Variants in LYSMD2 observed in about 807,000 individuals in gnomAD.
The protein encoded by LYSMD2 is LysM domain containing 2.
LYSMD2 carries 6 observed loss-of-function variants against 17.7 expected under a neutral mutation model. The ratio of observed to expected loss-of-function variants is 0.34; its 90% CI spans 0.19 to 0.67. LYSMD2 has a LOEUF of 0.67. Ranked by LOEUF, LYSMD2 falls within the 30% of genes least tolerant of loss-of-function variation. LYSMD2 has a pLI of 0.69. For missense variants in LYSMD2, 237 were observed against 286.7 expected (o/e 0.83, Z 1.25); for synonymous variants, 102 against 129.8 (o/e 0.79, Z 1.45).
In LYSMD2 at chr15:51,737,648, G is replaced by C. The variant is rs1014666302; in HGVS notation, c.-26C>G. ...GGGTCCTGCCGAGGCCGCCGGGTCG[G>C]GGAGCTTGCCAAGGGGGCGGCGCCT... On this transcript the variant is annotated 5_prime_UTR_variant, in exon 1 of 3. Coordinates refer to ENST00000267838, the MANE Select transcript of LYSMD2 (RefSeq NM_153374.3). The surrounding 1 kb of genome is among the most constrained non-coding windows in gnomAD (Gnocchi z 4.2). 4.2e-6 allele frequency: 5 copies of C among 1,203,646 alleles called. No homozygotes were observed. In the African/African-American group the frequency reaches 4.7e-5, roughly 11 times the overall value. 74.6% of individuals were successfully genotyped at this position (1,203,646 alleles called of 1,614,324 possible). A position where few individuals can be genotyped will look rare whatever the true frequency, so the allele number is the denominator to read the frequency against.
intron 1 of LYSMD2, among the ~76,000 whole-genome samples, chr15:51,745,367 C>A (rs968114956): frequency 6.6e-6 from 1 of 152,092 alleles, no homozygotes; most frequent in South Asian, 2.1e-4. Context: ...TACTAGCAAG[C>A]TAAACCTTGC....
At chr15:51,737,657 C>A, upstream of LYSMD2, 1 of 1,201,846 alleles carries the variant, frequency 8.3e-7, no homozygotes, top group South Asian at 4.2e-5. This position sits in a 1 kb window ranked among gnomAD's most constrained non-coding sequence, Gnocchi z 4.2. Flanking sequence ...GGGGAGCTTG[C>A]CAAGGGGGCG....
rs1399223836 is a variant in LYSMD2 at position 51,737,163 on chromosome 15, G to A, written c.273+187C>T. Among the ~76,000 whole-genome samples the A allele has an allele frequency of 6.6e-6, 1 of 152,162 alleles. No homozygotes were observed. Among genetic ancestry groups the A allele is most frequent in the East Asian group, 1.9e-4 (1 of 5,178 alleles). On this transcript the variant is annotated intron_variant, in intron 1 of 2. Coordinates refer to ENST00000267838, the MANE Select transcript of LYSMD2 (RefSeq NM_153374.3). The surrounding 1 kb of genome is among the most constrained non-coding windows in gnomAD (Gnocchi z 4.2). ...AGGACCAGCTTTGGCGACCACTGCG[G>A]TGGCCAGCAGCGCGCGCTGAGCGAG...
Position 51,725,030 on chromosome 15 carries a change from G to T in LYSMD2, c.365C>A (p.Pro122His). The change falls in exon 2 of 3, where the codon CCT becomes CAT. Residue 122 changes from proline (P) to histidine (H), a missense_variant. By Grantham distance (77) the Pro-to-His change is moderately conservative (BLOSUM62 -2). Coordinates refer to ENST00000267838, the MANE Select transcript of LYSMD2 (RefSeq NM_153374.3). The stretch of plus-strand genomic sequence containing the variant: ...GGAGTTAAGTCCATTAAACAACAAA[G>T]GCTTCTCTGATATAACTGGGATGTT... ...TLNIPVISEK[P>H]LLFNGLNSID... 6.2e-7 allele frequency: 1 copy of T among 1,613,666 alleles called. No individual in the cohort carries two copies.
intron 1 of LYSMD2, among the ~76,000 whole-genome samples, chr15:51,732,238 G>A (rs1426549406): frequency 6.6e-6 from 1 of 152,050 alleles, no homozygotes; most frequent in African/African-American, 2.4e-5. Flanking sequence ...TGACTTCCAG[G>A]GTCCGCTCAG....
At chr15:51,735,840 C>G (rs2055605580) in intron 1 of LYSMD2, among the ~76,000 whole-genome samples, 1 of 152,200 alleles carries the variant, frequency 6.6e-6, no homozygotes, top group Non-Finnish European at 1.5e-5. Context: ...TGGGAAATAA[C>G]ACTCTTCTGC....
At chr15:51,734,263 C>T (rs1226405680) in intron 1 of LYSMD2, among the ~76,000 whole-genome samples, 1 of 152,186 alleles carries the variant, frequency 6.6e-6, no homozygotes, top group Non-Finnish European at 1.5e-5. Context: ...GATCCAATGT[C>T]AGCTAGGATC....
intron 1 of LYSMD2, among the ~76,000 whole-genome samples, chr15:51,731,765 A>G (rs2141595625): frequency 6.6e-6 from 1 of 152,262 alleles, no homozygotes; most frequent in South Asian, 2.1e-4. Flanking sequence ...TCTGCACAAA[A>G]ATTCACGGTG....
intron 1 of LYSMD2, among the ~76,000 whole-genome samples, chr15:51,735,097 A>T (rs2055600256): frequency 6.6e-6 from 1 of 152,068 alleles, no homozygotes; most frequent in Non-Finnish European, 1.5e-5. Context: ...TCACTTGAGC[A>T]GCGGCAGCTG....
At chr15:51,735,884 A>C (rs1221845601) in intron 1 of LYSMD2, among the ~76,000 whole-genome samples, 1 of 152,254 alleles carries the variant, frequency 6.6e-6, no homozygotes, top group Admixed American at 6.5e-5. Flanking sequence ...TCACTAGCCT[A>C]GTAAGGCAAG....
chr15:51,747,043 T>A (rs1034827428), intron 1 of LYSMD2, among the ~76,000 whole-genome samples: 4,920 of 70,304 alleles, frequency 0.07, 105 homozygotes, highest in Non-Finnish European at 0.097. Context: ...AAAAAAAAAA[T>A]ACGAAAATTA....
chr15:51,737,520 A>G lies in LYSMD2; in HGVS notation c.103T>C (p.Ser35Pro). ...CTCAGCGACAGCTCGGCCTCCTCGG[A>G]CTCGGAGCCGGAGCGCGAGCGCGGC... Reference protein sequence around the residue: ...PPPRSRSGSESEEAELSLSLA... With the variant: ...PPPRSRSGSEPEEAELSLSLA... The change falls in exon 1 of 3, where the codon TCC (serine) becomes CCC (proline). Residue 35 changes from serine to proline, a missense_variant. Physicochemically the swap from Ser to Pro is moderately conservative, Grantham distance 74 (BLOSUM62 -1). Transcript: ENST00000267838. This position sits in a 1 kb window ranked among gnomAD's most constrained non-coding sequence, Gnocchi z 4.2. 7.9e-7 allele frequency: 1 copy of G among 1,265,898 alleles called. No individual in the cohort carries two copies. Among genetic ancestry groups the G allele is most frequent in the Non-Finnish European group, 9.9e-7 (1 of 1,009,588 alleles). The allele number at this position is 1,265,898 out of a possible 1,614,324, so 78.4% of individuals were successfully genotyped here.
At chr15:51,738,083 A>T (rs2055624562), upstream of LYSMD2, 2 of 150,532 alleles carry the variant, frequency 1.3e-5, no homozygotes, top group Non-Finnish European at 2.9e-5. Flanking sequence ...TTGATTCCCC[A>T]GCAGGAGCCA....
upstream of LYSMD2, chr15:51,737,702 T>C: frequency 3.9e-6 from 4 of 1,030,312 alleles, no homozygotes; most frequent in Non-Finnish European, 4.9e-6. The surrounding 1 kb of genome is among the most constrained non-coding windows in gnomAD (Gnocchi z 4.2). Flanking sequence ...CCGCCGCCTC[T>C]TCCTCTTCAC....
intron 1 of LYSMD2, among the ~76,000 whole-genome samples, chr15:51,750,245 G>C (rs769287950): frequency 2.0e-5 from 3 of 152,112 alleles, no homozygotes; most frequent in Non-Finnish European, 2.9e-5. Context: ...GTCTCACAAG[G>C]GTTCTTGTAA....
At chr15:51,734,399 T>TC (rs1265755992) in intron 1 of LYSMD2, among the ~76,000 whole-genome samples, 1 of 152,180 alleles carries the variant, frequency 6.6e-6, no homozygotes, top group African/African-American at 2.4e-5. Flanking sequence ...AGAAAATGGC[T>TC]CCCAGCTTGT....
chr15:51,737,745 C>G (rs996113483), upstream of LYSMD2: 18 of 745,578 alleles, frequency 2.4e-5, no homozygotes, highest in African/African-American at 2.6e-4. The surrounding 1 kb of genome is among the most constrained non-coding windows in gnomAD (Gnocchi z 4.2). Context: ...GCGGGGGCGG[C>G]GGACGGGAAG....
intron 1 of LYSMD2, among the ~76,000 whole-genome samples, chr15:51,750,968 T>C (rs1218479399): frequency 1.3e-5 from 2 of 152,236 alleles, no homozygotes; most frequent in Non-Finnish European, 2.9e-5. Flanking sequence ...GAACTTTCAC[T>C]GAGTATGCAC....
exon 1 of LYSMD2, chr15:51,751,296 C>A (rs777519629): frequency 1.4e-6 from 1 of 702,514 alleles, no homozygotes. Flanking sequence ...ACGCGGCTTC[C>A]GTGTCAGGAT....
Sources: gnomAD v4.1 joint callset for allele counts (sites outside exome capture counted in the v4.1 genomes callset) on GRCh38, gnomAD v4.1.1 for gene constraint, Gnocchi (gnomAD v3.1) non-coding constraint, MANE v1.5 for transcripts, NCBI Gene and HGNC (gene_info 2026-07-23, HGNC 2026-07-21) for gene names.